TFAP2A: variants seen among roughly 807,000 people sequenced by gnomAD.
TFAP2A encodes transcription factor AP-2-alpha.
In TFAP2A, 7 loss-of-function variants were observed where a neutral mutation model predicts 41.5. That is an observed-to-expected ratio of 0.17 (90% CI 0.10 to 0.32). TFAP2A has a LOEUF of 0.32. Ranked by LOEUF, TFAP2A falls within the 10% of genes least tolerant of loss-of-function variation. TFAP2A has a pLI of 1.00. For missense variants in TFAP2A, 416 were observed against 563.3 expected (o/e 0.74, Z 2.65); for synonymous variants, 247 against 242.8 (o/e 1.02, Z -0.16).
upstream of TFAP2A, chr6:10,415,926 A>G (rs959413131): frequency 1.3e-5 from 2 of 152,162 alleles, no homozygotes; most frequent in Non-Finnish European, 2.9e-5. Context: ...TTGTACCCTG[A>G]AGAGGTTACT....
chr6:10,413,617 C>G (rs939512556), intron 1 of TFAP2A, among the ~76,000 whole-genome samples: 3 of 152,222 alleles, frequency 2.0e-5, no homozygotes, highest in Non-Finnish European at 4.4e-5. Context: ...CGCCCCTCCT[C>G]TAGCGCGACA....
chr6:10,412,658 G>A (rs774255741), intron 1 of TFAP2A: 2 of 330,316 alleles, frequency 6.1e-6, no homozygotes, highest in South Asian at 2.1e-5. Flanking sequence ...GACCGCGTCC[G>A]GGCGCTCGTG....
chr6:10,419,564 C>T, upstream of TFAP2A: 6 of 1,354,344 alleles, frequency 4.4e-6, no homozygotes, highest in Non-Finnish European at 6.3e-6. Context: ...TGCTCACCAA[C>T]ATCTCACCTG....
chr6:10,414,861 T>G lies in TFAP2A; in HGVS notation c.51+80A>C. The stretch of plus-strand genomic sequence containing the variant: ...GTCCCACCCGCGTTTCGCAGCTGGT[T>G]GCAAGGAGAGGAGGAGGAGAGGGAG... On this transcript the variant is annotated intron_variant, in intron 1 of 6. Coordinates refer to ENST00000379613, the MANE Select transcript of TFAP2A (RefSeq NM_001372066.1). 1.9e-6 allele frequency: 3 copies of G among 1,592,038 alleles called. 1 individual carries two copies. The highest frequency in any genetic ancestry group is 1.7e-4 in the Middle Eastern group (1 of 6,032).
Position 10,415,053 on chromosome 6 carries a change from TGAGC to T in TFAP2A, c.-66_-63del, listed in dbSNP as rs931332787. 2 of 1,613,508 alleles carry T rather than the reference TGAGC, an allele frequency of 1.2e-6. No individual in the cohort carries two copies. Among genetic ancestry groups the T allele is most frequent in the African/African-American group, 1.3e-5 (1 of 74,714 alleles). On this transcript the variant is annotated 5_prime_UTR_variant, in exon 1 of 7. Transcript: ENST00000379613. ...CACCCAAGTGGAGCTACTCTCTGGGTGAGCGCAAAGTGCTGGCTGCCGGCGGTGA... is the reference window on the plus strand; with the variant it reads ...CACCCAAGTGGAGCTACTCTCTGGGTGCAAAGTGCTGGCTGCCGGCGGTGA...
upstream of TFAP2A, among the ~76,000 whole-genome samples, chr6:10,417,715 G>GGGAGCCC (rs1758297898): frequency 6.6e-6 from 1 of 152,182 alleles, no homozygotes; most frequent in Admixed American, 6.5e-5. Flanking sequence ...AGTGGGAGCC[G>GGGAGCCC]GGAGCCCAAC....
At chr6:10,407,231 A>T in intron 2 of TFAP2A, 1 of 270,110 alleles carries the variant, frequency 3.7e-6, no homozygotes, top group South Asian at 4.4e-5. Context: ...TCCAGTGTTC[A>T]GGCAGCGAAA....
intron 1 of TFAP2A, chr6:10,411,477 C>G: frequency 6.2e-7 from 1 of 1,607,724 alleles, no homozygotes; most frequent in Non-Finnish European, 8.5e-7. Context: ...GAAAGCTGGG[C>G]GTGAAACCCG....
rs956297596 is a variant in TFAP2A, at chr6:10,410,349, A to T, written c.52-14T>A. The T allele has an allele frequency of 1.0e-5, 16 of 1,603,624 alleles. 1 individual carries two copies. In the Admixed American group the frequency reaches 2.4e-4, roughly 24 times the overall value. On this transcript the variant is annotated splice_polypyrimidine_tract_variant and intron_variant, in intron 1 of 6. Transcript: ENST00000379613. ...GTCGTGACGGTCCTAGAAGAGAGCGAGAGGAAAGGTAAAGAACAAGGAATC... is the reference window on the plus strand; with the variant it reads ...GTCGTGACGGTCCTAGAAGAGAGCGTGAGGAAAGGTAAAGAACAAGGAATC...
At chr6:10,417,533 C>T (rs977677212), upstream of TFAP2A, among the ~76,000 whole-genome samples, 8 of 152,250 alleles carry the variant, frequency 5.3e-5, no homozygotes, top group African/African-American at 1.9e-4. Context: ...GCCAGAACCC[C>T]GGGACAGCAG....
chr6:10,409,891 G>A lies in TFAP2A; in HGVS notation c.486+10C>T. ...GTGTTCCCTCCCGCGCTGGTTGCGC[G>A]GCCTCTTACCGGGACCTCCTCGATG... is the stretch of plus-strand genomic sequence containing the variant. On this transcript the variant is annotated intron_variant, in intron 2 of 6. Transcript: ENST00000379613. 1.9e-6 allele frequency: 3 copies of A among 1,547,884 alleles called. No homozygotes were observed. Among genetic ancestry groups the A allele is most frequent in the Middle Eastern group, 1.7e-4 (1 of 5,982 alleles).
upstream of TFAP2A, chr6:10,418,400 C>A (rs1012029141): frequency 2.0e-5 from 3 of 152,236 alleles, no homozygotes; most frequent in African/African-American, 7.2e-5. Context: ...AAGTTCAGGG[C>A]ATTAGATTCG....
chr6:10,401,723 C>T (rs1025856273), intron 5 of TFAP2A, among the ~76,000 whole-genome samples: 2 of 152,100 alleles, frequency 1.3e-5, no homozygotes, highest in African/African-American at 4.8e-5. Flanking sequence ...AAGAAAAACA[C>T]AGGAGAGCTA....
chr6:10,412,210 A>C, intron 1 of TFAP2A: 1 of 986,572 alleles, frequency 1.0e-6, no homozygotes, highest in Non-Finnish European at 1.2e-6. Context: ...CGAGCGAGAG[A>C]GGGAGCGGGC....
intron 1 of TFAP2A, chr6:10,412,036 T>C: frequency 9.5e-7 from 1 of 1,048,772 alleles, no homozygotes; most frequent in Non-Finnish European, 1.2e-6. Flanking sequence ...CAGATATTCA[T>C]GACTATTAAT....
chr6:10,410,353 G>A lies in TFAP2A; in HGVS notation c.52-18C>T. The A allele has an allele frequency of 2.5e-6, 4 of 1,597,152 alleles. No homozygotes were observed. Among genetic ancestry groups the A allele is most frequent in the Non-Finnish European group, 3.4e-6 (4 of 1,172,290 alleles). ...TGACGGTCCTAGAAGAGAGCGAGAGGAAAGGTAAAGAACAAGGAATCAGGC... is the reference window on the plus strand; with the variant it reads ...TGACGGTCCTAGAAGAGAGCGAGAGAAAAGGTAAAGAACAAGGAATCAGGC... On this transcript the variant is annotated intron_variant, in intron 1 of 6. Transcript: ENST00000379613.
chr6:10,398,466 G>A lies in TFAP2A; in HGVS notation c.1271C>T (p.Thr424Met), dbSNP rs1761876463. The A allele has an allele frequency of 6.2e-7, 1 of 1,614,134 alleles. No individual in the cohort carries two copies. Among genetic ancestry groups the A allele is most frequent in the African/African-American group, 1.3e-5 (1 of 74,946 alleles). Reference sequence around the variant, plus strand: ...GTCACTGCTTTTGGCGTTGTTGTCCGTGTGGCTGTTGGGGTTGTTGCTGAG... The same window carrying A: ...GTCACTGCTTTTGGCGTTGTTGTCCATGTGGCTGTTGGGGTTGTTGCTGAG... ...MYLSNNPNSHTDNNAKSSDKE... is the reference protein window; with the variant it reads ...MYLSNNPNSHMDNNAKSSDKE... The change falls in exon 7 of 7, where the codon ACG becomes ATG. Residue 424 changes from threonine (T) to methionine (M), a missense_variant. Transcript: ENST00000379613. This position sits in a 1 kb window ranked among gnomAD's most constrained non-coding sequence, Gnocchi z 5.3.
At chr6:10,414,228 C>A (rs920194272) in intron 1 of TFAP2A, among the ~76,000 whole-genome samples, 1 of 152,192 alleles carries the variant, frequency 6.6e-6, no homozygotes, top group African/African-American at 2.4e-5. Context: ...CAGCACATCT[C>A]CCCACCCCAC....
Position 10,402,514 on chromosome 6 carries a change from G to C in TFAP2A, c.867C>G (p.Thr289=). ...PAGRRKAANV[T]LLTSLVEGEA... is the part of the protein sequence containing the mutation. ...TACCCTCTACTAGTGATGTGAGCAGGGTAACGTTGGCAGCTTTACGTCTCC... is the reference window on the plus strand; with the variant it reads ...TACCCTCTACTAGTGATGTGAGCAGCGTAACGTTGGCAGCTTTACGTCTCC... The change falls in exon 5 of 7, where the codon ACC becomes ACG. Residue 289 remains threonine (T), a synonymous_variant. Coordinates refer to ENST00000379613, the MANE Select transcript of TFAP2A (RefSeq NM_001372066.1). 6.2e-7 allele frequency: 1 copy of C among 1,613,918 alleles called. No homozygotes were observed. The highest frequency in any genetic ancestry group is 8.5e-7 in the Non-Finnish European group (1 of 1,179,834).
Sources: allele counts gnomAD v4.1 joint callset (sites outside exome capture counted in the v4.1 genomes callset), GRCh38; gene constraint gnomAD v4.1.1; non-coding constraint Gnocchi (gnomAD v3.1); transcripts MANE v1.5; gene names NCBI Gene and HGNC (gene_info 2026-07-23, HGNC 2026-07-21).